Variants in KIRREL1 observed in about 807,000 individuals in gnomAD.
KIRREL1 encodes the protein kin of IRRE-like protein 1.
A neutral mutation model predicts 83.3 loss-of-function variants in KIRREL1; 25 were observed. The observed-to-expected ratio is 0.30, with a 90% CI of 0.22 to 0.42. The LOEUF (loss-of-function observed/expected upper bound fraction) is 0.42. KIRREL1 is among the 10% of genes least tolerant of loss of function. The pLI is 1.00. For missense variants in KIRREL1, 812 were observed against 1,032.3 expected (o/e 0.79, Z 2.92); for synonymous variants, 388 against 410.4 (o/e 0.95, Z 0.66).
chr1:157,995,494 AG>A (rs1054797901), intron 1 of KIRREL1, among the ~76,000 whole-genome samples: 2 of 126,854 alleles, frequency 1.6e-5, no homozygotes, highest in Non-Finnish European at 1.7e-5. Context: ...GTGGTGGTGG[AG>A]GGGGGTCATG....
At chr1:158,004,169 G>C (rs1267082648) in intron 1 of KIRREL1, among the ~76,000 whole-genome samples, 2 of 152,178 alleles carry the variant, frequency 1.3e-5, no homozygotes, top group Non-Finnish European at 2.9e-5. Context: ...CTATCTTCTA[G>C]GGTTGTTGTG....
At position 158,095,142 on chromosome 1, in the gene KIRREL1, A is replaced by T; in HGVS notation, c.*22A>T. 1 of 1,521,356 alleles carries T rather than the reference A, an allele frequency of 6.6e-7. No homozygotes were observed. Among genetic ancestry groups the T allele is most frequent in the Non-Finnish European group, 9.0e-7 (1 of 1,111,520 alleles). 94.2% of individuals were successfully genotyped at this position (1,521,356 alleles called of 1,614,324 possible). A position where few individuals can be genotyped will look rare whatever the true frequency, so the allele number is the denominator to read the frequency against. ...GTAGGGGCCAGAGCCTGGCTGGGGCATCTCTGCGGGGCAGAGGAGAAGGCT... is the reference window on the plus strand; with the variant it reads ...GTAGGGGCCAGAGCCTGGCTGGGGCTTCTCTGCGGGGCAGAGGAGAAGGCT... On this transcript the variant is annotated 3_prime_UTR_variant, in exon 15 of 15. Transcript: ENST00000359209.
At chr1:157,996,442 G>A (rs1030696973) in intron 1 of KIRREL1, among the ~76,000 whole-genome samples, 1 of 152,048 alleles carries the variant, frequency 6.6e-6, no homozygotes, top group Admixed American at 6.5e-5. Flanking sequence ...GCTCGGGGAG[G>A]GAGCTGCCTC....
Position 158,089,832 on chromosome 1 carries a change from C to G in KIRREL1, c.1272+14C>G, listed in dbSNP as rs763848085. On this transcript the variant is annotated intron_variant, in intron 10 of 14. Coordinates refer to ENST00000359209, the MANE Select transcript of KIRREL1 (RefSeq NM_018240.7). The stretch of plus-strand genomic sequence containing the variant: ...CCAGACCGCATAGTGAGTGGCGGAC[C>G]TGCCTGCGGACAGCCAGCCCTCCCT... 6.2e-7 allele frequency: 1 copy of G among 1,610,578 alleles called. No homozygotes were observed. The highest frequency in any genetic ancestry group is 1.7e-5 in the Admixed American group (1 of 60,008).
intron 1 of KIRREL1, among the ~76,000 whole-genome samples, chr1:158,008,346 G>A (rs1479510531): frequency 1.3e-5 from 2 of 152,252 alleles, no homozygotes; most frequent in Non-Finnish European, 1.5e-5. Flanking sequence ...CCTTGGGGAG[G>A]CCTCACCTGG....
chr1:158,072,869 C>CAGTT (rs1661555663), intron 1 of KIRREL1, among the ~76,000 whole-genome samples: 1 of 48,370 alleles, frequency 2.1e-5, no homozygotes, highest in Non-Finnish European at 5.6e-5. Flanking sequence ...CATGGCTGAT[C>CAGTT]AGTTAGCAGG....
At chr1:158,003,143 G>A (rs1055805107) in intron 1 of KIRREL1, among the ~76,000 whole-genome samples, 2 of 151,908 alleles carry the variant, frequency 1.3e-5, no homozygotes, top group South Asian at 2.1e-4. Flanking sequence ...GGCCTTGCTC[G>A]CTCCATTACC....
intron 1 of KIRREL1, among the ~76,000 whole-genome samples, chr1:158,010,326 AACACACACAC>A (rs56353855): frequency 2.8e-5 from 2 of 72,208 alleles, no homozygotes; most frequent in African/African-American, 4.1e-5. Flanking sequence ...CCCCACCATA[AACACACACAC>A]ACACACACAC....
intron 1 of KIRREL1, among the ~76,000 whole-genome samples, chr1:157,996,940 C>T (rs1330507728): frequency 6.6e-6 from 1 of 152,170 alleles, no homozygotes; most frequent in Non-Finnish European, 1.5e-5. Context: ...CTGCTCCTTC[C>T]CACAGCTGAG....
intron 3 of KIRREL1, among the ~76,000 whole-genome samples, chr1:158,078,711 G>T (rs1293013653): frequency 6.6e-6 from 1 of 152,114 alleles, no homozygotes; most frequent in Non-Finnish European, 1.5e-5. Flanking sequence ...GGAAGGAATG[G>T]GCCTTGAGGC....
chr1:158,046,424 C>T (rs1412298340), intron 1 of KIRREL1, among the ~76,000 whole-genome samples: 2 of 152,112 alleles, frequency 1.3e-5, no homozygotes, highest in Non-Finnish European at 2.9e-5. Context: ...GCCAATGAGA[C>T]AGCCAAGTGG....
intron 1 of KIRREL1, among the ~76,000 whole-genome samples, chr1:158,018,518 G>A (rs1659903643): frequency 6.6e-6 from 1 of 152,186 alleles, no homozygotes; most frequent in South Asian, 2.1e-4. Flanking sequence ...TGGCCTGTAG[G>A]GAAGCAAGGT....
At chr1:157,995,380 T>A (rs1245688822) in intron 1 of KIRREL1, among the ~76,000 whole-genome samples, 1 of 151,964 alleles carries the variant, frequency 6.6e-6, no homozygotes, top group African/African-American at 2.4e-5. Context: ...GCCCTGGGGT[T>A]GGCAGGCCAG....
intron 1 of KIRREL1, among the ~76,000 whole-genome samples, chr1:158,016,411 G>C (rs1312530168): frequency 6.6e-6 from 1 of 152,110 alleles, no homozygotes; most frequent in Non-Finnish European, 1.5e-5. Context: ...ATGGACCAGA[G>C]ACTGCAGAAA....
Position 158,084,542 on chromosome 1 carries a change from G to A in KIRREL1, c.473G>A (p.Arg158Gln), listed in dbSNP as rs191023947. The stretch of plus-strand genomic sequence containing the variant: ...CCTGCTGCCACCATCATCTGGTTCC[G>A]GGACGGGACGCAGCAGGAGGGCGCT... ...AKPAATIIWF[R>Q]DGTQQEGAVA... is the part of the protein sequence containing the mutation. Residue 158 changes from arginine to glutamine, a missense_variant, in exon 4 of 15, where the codon CGG becomes CAG. Arg to Gln is a conservative substitution (Grantham distance 43). Around this residue, in one of 3 missense-constraint regions of KIRREL1, gnomAD observed 472 missense variants for 626.8 expected, o/e 0.75. Coordinates refer to ENST00000359209, the MANE Select transcript of KIRREL1 (RefSeq NM_018240.7). 3.5e-5 allele frequency: 54 copies of A among 1,551,742 alleles called. No individual in the cohort carries two copies. The highest frequency in any genetic ancestry group is 4.4e-5 in the Non-Finnish European group (51 of 1,147,008).
Position 158,042,835 on chromosome 1 carries a change from A to G in KIRREL1, c.53-33278A>G, listed in dbSNP as rs546149533. Among the ~76,000 whole-genome samples the G allele has an allele frequency of 2.1e-4, 32 of 149,240 alleles. No homozygotes were observed. In the Middle Eastern group the frequency reaches 0.01, roughly 48 times the overall value. On this transcript the variant is annotated intron_variant, in intron 1 of 14. Transcript: ENST00000359209. Reference sequence around the variant, plus strand: ...ACTCCTGTAATCCAAGCACTTTGGGAGGCCAAGGTGGGAGGATCATGAGGT... The same window carrying G: ...ACTCCTGTAATCCAAGCACTTTGGGGGGCCAAGGTGGGAGGATCATGAGGT...
intron 1 of KIRREL1, among the ~76,000 whole-genome samples, chr1:158,051,717 C>T (rs1256538595): frequency 6.6e-6 from 1 of 152,182 alleles, no homozygotes; most frequent in Non-Finnish European, 1.5e-5. Flanking sequence ...AGTGGGTCCC[C>T]ATCATCTACA....
At chr1:158,035,740 T>G (rs1660458577) in intron 1 of KIRREL1, among the ~76,000 whole-genome samples, 1 of 152,188 alleles carries the variant, frequency 6.6e-6, no homozygotes, top group Non-Finnish European at 1.5e-5. Flanking sequence ...AGAACCACTT[T>G]GATGGAGACA....
intron 1 of KIRREL1, among the ~76,000 whole-genome samples, chr1:158,054,563 T>C (rs1661000869): frequency 6.6e-6 from 1 of 152,164 alleles, no homozygotes; most frequent in Non-Finnish European, 1.5e-5. Context: ...ATCTTGAGAT[T>C]TGGAAGGCAT....
Sources: allele counts gnomAD v4.1 joint callset (sites outside exome capture counted in the v4.1 genomes callset), GRCh38; gene constraint gnomAD v4.1.1; regional missense constraint gnomAD v4.1.1; transcripts MANE v1.5; gene names NCBI Gene and HGNC (gene_info 2026-07-23, HGNC 2026-07-21).